The following TESK2 variants were observed in gnomAD, a reference collection of about 807,000 sequenced individuals.
The protein encoded by TESK2 is testis associated actin remodelling kinase 2, also known as dual specificity testis-specific protein kinase 2.
In TESK2, 39 loss-of-function variants were observed where a neutral mutation model predicts 57.1. The ratio of observed to expected loss-of-function variants is 0.68; its 90% CI spans 0.53 to 0.89. The LOEUF (loss-of-function observed/expected upper bound fraction) is 0.89, where lower values mean the gene tolerates loss of function less well. Ranked by LOEUF, TESK2 falls within the 40% of genes least tolerant of loss-of-function variation. The probability of loss-of-function intolerance (pLI) is 0.00; values close to 1 mark genes in which losing one functional copy is unlikely to be tolerated. For missense variants in TESK2, 646 were observed against 732.1 expected (o/e 0.88, Z 1.36); for synonymous variants, 249 against 267.9 (o/e 0.93, Z 0.69).
At chr1:45,396,221 G>A (rs1197020635) in intron 3 of TESK2, among the ~76,000 whole-genome samples, 2 of 152,040 alleles carry the variant, frequency 1.3e-5, no homozygotes, top group Non-Finnish European at 2.9e-5. Context: ...AGCCTCCCAA[G>A]TAGCTAAGAT....
chr1:45,393,308 T>C (rs375101010), intron 3 of TESK2, among the ~76,000 whole-genome samples: 2 of 152,270 alleles, frequency 1.3e-5, no homozygotes, highest in Admixed American at 6.5e-5. Context: ...AATAACCATA[T>C]CACAATCGTG....
At chr1:45,386,998 C>G (rs1226576894) in intron 3 of TESK2, among the ~76,000 whole-genome samples, 2 of 152,130 alleles carry the variant, frequency 1.3e-5, no homozygotes, top group African/African-American at 4.8e-5. Context: ...CCTTTCCCCC[C>G]AGGTCCTCAG....
At chr1:45,483,760 G>A (rs550027968) in intron 1 of TESK2, among the ~76,000 whole-genome samples, 2 of 151,988 alleles carry the variant, frequency 1.3e-5, no homozygotes, top group East Asian at 3.9e-4. Flanking sequence ...CACTTCCGGA[G>A]GCTGAAATGG....
intron 2 of TESK2, among the ~76,000 whole-genome samples, chr1:45,436,364 T>C (rs1414893452): frequency 6.6e-6 from 1 of 150,628 alleles, no homozygotes; most frequent in Non-Finnish European, 1.5e-5. Flanking sequence ...TTTGTATTTT[T>C]AGTAGAGATG....
At chr1:45,399,399 C>G (rs967884571) in intron 3 of TESK2, among the ~76,000 whole-genome samples, 7 of 152,024 alleles carry the variant, frequency 4.6e-5, no homozygotes, top group Non-Finnish European at 1.5e-5. Flanking sequence ...ACTGCAACCT[C>G]CACCTCCCAG....
chr1:45,366,494 A>T (rs1056945607), intron 4 of TESK2, among the ~76,000 whole-genome samples: 8 of 152,082 alleles, frequency 5.3e-5, no homozygotes, highest in African/African-American at 1.9e-4. Context: ...GTACTTTGGG[A>T]GGCTGAGGCA....
At chr1:45,486,042 G>A (rs1373572421) in intron 1 of TESK2, among the ~76,000 whole-genome samples, 3 of 152,084 alleles carry the variant, frequency 2.0e-5, no homozygotes, top group African/African-American at 7.2e-5. Flanking sequence ...AAATTTTCAG[G>A]AATGGAAGAC....
At chr1:45,482,863 C>T (rs1367121905) in intron 1 of TESK2, among the ~76,000 whole-genome samples, 4 of 151,458 alleles carry the variant, frequency 2.6e-5, no homozygotes, top group Non-Finnish European at 5.9e-5. Context: ...CCCTGTAATC[C>T]CAGCTACTCG....
At chr1:45,370,948 C>A (rs1425422130) in intron 4 of TESK2, among the ~76,000 whole-genome samples, 1 of 151,824 alleles carries the variant, frequency 6.6e-6, no homozygotes, top group Non-Finnish European at 1.5e-5. Context: ...GACATATAGA[C>A]CAATGTAATG....
rs942894094 is a variant in TESK2, at chr1:45,489,647, G to A, written c.-87+1205C>T. Among the ~76,000 whole-genome samples the A allele has an allele frequency of 4.6e-5, 7 of 152,268 alleles. No homozygotes were observed. The East Asian group carries it at 9.7e-4, about 21-fold the overall frequency. On this transcript the variant is annotated intron_variant, in intron 1 of 10. Coordinates refer to ENST00000372086, the MANE Select transcript of TESK2 (RefSeq NM_007170.3). ...TCTACTAAAAGTACAAAAATTAGCCGGACGTGGTGGCGCATGCCTGTAATC... is the reference window on the plus strand; with the variant it reads ...TCTACTAAAAGTACAAAAATTAGCCAGACGTGGTGGCGCATGCCTGTAATC...
At chr1:45,458,297 G>C (rs1652192810) in intron 1 of TESK2, among the ~76,000 whole-genome samples, 1 of 152,200 alleles carries the variant, frequency 6.6e-6, no homozygotes, top group South Asian at 2.1e-4. Flanking sequence ...GGGTGCAGTG[G>C]CTCACGCCTG....
intron 1 of TESK2, among the ~76,000 whole-genome samples, chr1:45,489,945 T>G (rs958898245): frequency 2.0e-5 from 3 of 152,196 alleles, no homozygotes; most frequent in Admixed American, 6.5e-5. Flanking sequence ...CTATTTCAAT[T>G]AACACTACCG....
At chr1:45,430,818 C>G (rs1650919796) in intron 2 of TESK2, among the ~76,000 whole-genome samples, 1 of 152,110 alleles carries the variant, frequency 6.6e-6, no homozygotes, top group African/African-American at 2.4e-5. Context: ...GTGGGTTACA[C>G]CTCACTTGCT....
intron 1 of TESK2, among the ~76,000 whole-genome samples, chr1:45,462,366 A>G (rs1006593532): frequency 2.7e-4 from 41 of 151,994 alleles, no homozygotes; most frequent in African/African-American, 9.4e-4. Context: ...TCCACCTCCC[A>G]GGTTCATGCC....
rs1424764110 is a variant in TESK2, at chr1:45,385,936, T to C, written c.369A>G (p.Gln123=). ...CCTCTGTAAGTGCATGCAATTGTCC[T>C]TGATGAACACATACACCCATGAACC... is the stretch of plus-strand genomic sequence containing the variant. ...ILRFMGVCVH[Q]GQLHALTEYI... Residue 123 remains glutamine, a synonymous_variant, in exon 4 of 11, where the codon CAA becomes CAG. Coordinates refer to ENST00000372086, the MANE Select transcript of TESK2 (RefSeq NM_007170.3). 1 of 1,608,296 alleles carries C rather than the reference T, an allele frequency of 6.2e-7. No homozygotes were observed. Among genetic ancestry groups the C allele is most frequent in the Non-Finnish European group, 8.5e-7 (1 of 1,176,894 alleles).
chr1:45,398,941 C>T (rs12738304), intron 3 of TESK2: 2 of 418,358 alleles, frequency 4.8e-6, no homozygotes, highest in African/African-American at 4.5e-5. Context: ...TGAAAATGAG[C>T]TCTCCTTCCA....
intron 3 of TESK2, chr1:45,415,375 C>T: frequency 2.2e-6 from 2 of 906,550 alleles, no homozygotes; most frequent in Non-Finnish European, 3.5e-6. Flanking sequence ...TTTTAACCAC[C>T]AGACCATTCC....
intron 2 of TESK2, among the ~76,000 whole-genome samples, chr1:45,452,117 T>C (rs549955009): frequency 6.6e-6 from 1 of 152,070 alleles, no homozygotes; most frequent in South Asian, 2.1e-4. Flanking sequence ...GGCAAACTCT[T>C]TTGAAAATAT....
At chr1:45,472,289 G>A (rs1319347774) in intron 1 of TESK2, among the ~76,000 whole-genome samples, 1 of 150,576 alleles carries the variant, frequency 6.6e-6, no homozygotes, top group African/African-American at 2.4e-5. Flanking sequence ...CGGGCACCGT[G>A]GCTCACACCT....
Sources: allele counts gnomAD v4.1 joint callset (sites outside exome capture counted in the v4.1 genomes callset), GRCh38; gene constraint gnomAD v4.1.1; transcripts MANE v1.5; gene names NCBI Gene and HGNC (gene_info 2026-07-23, HGNC 2026-07-21).